Variants in ABLIM2 observed in about 807,000 individuals in gnomAD.
ABLIM2 encodes the protein actin-binding LIM protein 2.
A neutral mutation model predicts 97.7 loss-of-function variants in ABLIM2; 53 were observed. The observed-to-expected ratio is 0.54, with a 90% CI of 0.44 to 0.68. The LOEUF is 0.68. Ranked by LOEUF, ABLIM2 falls within the 30% of genes least tolerant of loss-of-function variation. The pLI, the probability that ABLIM2 is intolerant of heterozygous loss-of-function variation, is 0.00. For synonymous variants in ABLIM2, 361 were observed against 345.8 expected (o/e 1.04, Z -0.49); for missense variants, 835 against 867.2 (o/e 0.96, Z 0.47).
rs1390424236 is a variant in ABLIM2, at chr4:7,986,112, T to C, written c.1681-1219A>G. ...ACCTGGAACGGGGTCTCAAACGGGG[T>C]CAGGGCTCTCGGCCAGTGCTGCTGA... On this transcript the variant is annotated intron_variant, in intron 17 of 20. Transcript: ENST00000447017. This position sits in a 1 kb window ranked among gnomAD's most constrained non-coding sequence, Gnocchi z 4.3. Among the ~76,000 whole-genome samples, 1 of 152,124 alleles carries C rather than the reference T, an allele frequency of 6.6e-6. No homozygotes were observed. Among genetic ancestry groups the C allele is most frequent in the Non-Finnish European group, 1.5e-5 (1 of 68,020 alleles).
intron 16 of ABLIM2, among the ~76,000 whole-genome samples, chr4:8,000,199 T>C (rs2150165179): frequency 6.6e-6 from 1 of 152,240 alleles, no homozygotes; most frequent in South Asian, 2.1e-4. Flanking sequence ...GCCCCTTGGC[T>C]GGTCTGAGCT....
chr4:8,103,294 C>A (rs1010253432), intron 2 of ABLIM2, among the ~76,000 whole-genome samples: 2 of 152,246 alleles, frequency 1.3e-5, no homozygotes, highest in Non-Finnish European at 2.9e-5. Context: ...CTCATGAGAG[C>A]CTGGAGAGAA....
At position 8,087,020 on chromosome 4, in the gene ABLIM2, C is replaced by G. The variant is rs533384472; in HGVS notation, c.454+1149G>C. On this transcript the variant is annotated intron_variant, in intron 4 of 20. Transcript: ENST00000447017. The surrounding 1 kb of genome is among the most constrained non-coding windows in gnomAD (Gnocchi z 4.6). ...AGCTCCCAGGGCCAGTGCTGCACCT[C>G]GGGGAGGCTGGAAGTGGAATCGCCT... is the stretch of plus-strand genomic sequence containing the variant. Among the ~76,000 whole-genome samples the G allele has an allele frequency of 1.3e-5, 2 of 152,104 alleles. No individual in the cohort carries two copies. The highest frequency in any genetic ancestry group is 4.1e-4 in the South Asian group (2 of 4,820).
rs1176285273 is a variant in ABLIM2 at position 8,095,070 on chromosome 4, C to A, written c.338+2029G>T. ...CTTCTTTCTTTCTTTCTCTTTCTTT[C>A]TTTCTCTCTCTCTCTCTTTCTTTCT... On this transcript the variant is annotated intron_variant, in intron 3 of 20. Transcript: ENST00000447017. The surrounding 1 kb of genome is among the most constrained non-coding windows in gnomAD (Gnocchi z 4.7). Among the ~76,000 whole-genome samples, 1 of 137,102 alleles carries A rather than the reference C, an allele frequency of 7.3e-6. No homozygotes were observed. The highest frequency in any genetic ancestry group is 1.6e-5 in the Non-Finnish European group (1 of 61,388). 89.9% of individuals were successfully genotyped at this position (137,102 alleles called of 152,430 possible).
rs531712556 is a variant in ABLIM2, at chr4:7,969,056, C to G, written c.1825-1953G>C. Among the ~76,000 whole-genome samples, 51 of 152,160 alleles carry G rather than the reference C, an allele frequency of 3.4e-4. No individual in the cohort carries two copies. The South Asian group carries it at 1.0e-2, about 30-fold the overall frequency. ...CTGAGGCAGGAGAATCGCTTGAACC[C>G]AGGAGGTGGAGGTTGCAGTGAGCTG... On this transcript the variant is annotated intron_variant, in intron 20 of 20. Transcript: ENST00000447017.
rs1346132256 is a variant in ABLIM2, at chr4:8,036,269, G to A, written c.927C>T (p.Asp309=). ...TAGGAAGGGCTGCCAAGTCCCTGTA[G>A]TCCAGGATCTCACCACCAAGCTTGG... ...IYAKLGGEIL[D]YRDLAALPKS... Residue 309 remains aspartate, a synonymous_variant, in exon 10 of 21, where the codon GAC becomes GAT. Transcript: ENST00000447017. 6.8e-6 allele frequency: 11 copies of A among 1,613,722 alleles called. No individual in the cohort carries two copies. The highest frequency in any genetic ancestry group is 8.5e-6 in the Non-Finnish European group (10 of 1,179,796).
At chr4:8,089,417 G>A (rs1247121930) in intron 3 of ABLIM2, among the ~76,000 whole-genome samples, 2 of 152,202 alleles carry the variant, frequency 1.3e-5, no homozygotes, top group East Asian at 1.9e-4. Flanking sequence ...GCCCGTGGAA[G>A]TGTCAGACCA....
In ABLIM2 at chr4:8,071,701, A is replaced by AAC; in HGVS notation, c.675+5926_675+5927insGT. 1 of 494,388 alleles carries AAC rather than the reference A, an allele frequency of 2.0e-6. No individual in the cohort carries two copies. The highest frequency in any genetic ancestry group is 2.6e-6 in the Non-Finnish European group (1 of 391,984). 30.6% of individuals were successfully genotyped at this position (494,388 alleles called of 1,614,324 possible). On this transcript the variant is annotated intron_variant, in intron 6 of 20. Coordinates refer to ENST00000447017, the MANE Select transcript of ABLIM2 (RefSeq NM_001130083.2). The surrounding 1 kb of genome is among the most constrained non-coding windows in gnomAD (Gnocchi z 6.2). ...CTGCTCTGTCCCCAAAAACCCACCCACCCGCAGCCCCTCCTGGCCCCTGTG... is the reference window on the plus strand; with the variant it reads ...CTGCTCTGTCCCCAAAAACCCACCCAACCCCGCAGCCCCTCCTGGCCCCTGTG...
At position 8,071,340 on chromosome 4, in the gene ABLIM2, C is replaced by T. The variant is rs1250903365; in HGVS notation, c.675+6288G>A. ...ACAGGACCCCAGCAAGGAGCCGGCTCATCAGGACAGACACCCAGAGATGGG... is the reference window on the plus strand; with the variant it reads ...ACAGGACCCCAGCAAGGAGCCGGCTTATCAGGACAGACACCCAGAGATGGG... On this transcript the variant is annotated intron_variant, in intron 6 of 20. Transcript: ENST00000447017. The surrounding 1 kb of genome is among the most constrained non-coding windows in gnomAD (Gnocchi z 6.2). 2.0e-5 allele frequency among the ~76,000 whole-genome samples: 3 copies of T among 152,138 alleles called. No homozygotes were observed. Among genetic ancestry groups the T allele is most frequent in the Non-Finnish European group, 4.4e-5 (3 of 68,018 alleles).
chr4:8,143,720 C>T (rs1371046736), intron 1 of ABLIM2, among the ~76,000 whole-genome samples: 1 of 152,160 alleles, frequency 6.6e-6, no homozygotes, highest in Non-Finnish European at 1.5e-5. Flanking sequence ...TGGCTGGGTG[C>T]TCCTGGAGGG....
intron 1 of ABLIM2, among the ~76,000 whole-genome samples, chr4:8,126,903 T>C (rs947945568): frequency 4.6e-5 from 7 of 151,890 alleles, no homozygotes; most frequent in African/African-American, 1.5e-4. Flanking sequence ...CCGTCTCTAC[T>C]AAAAAAATTA....
In ABLIM2 at chr4:8,058,918, G is replaced by A. The variant is rs1801112428; in HGVS notation, c.763+2049C>T. Among the ~76,000 whole-genome samples the A allele has an allele frequency of 1.3e-5, 2 of 152,042 alleles. No homozygotes were observed. Among genetic ancestry groups the A allele is most frequent in the East Asian group, 1.9e-4 (1 of 5,162 alleles). Reference sequence around the variant, plus strand: ...CCTGTCTTCGGCAACCATCTTGTGGGGTCAGTTCAGCAAGAAGCCCAGTAC... The same window carrying A: ...CCTGTCTTCGGCAACCATCTTGTGGAGTCAGTTCAGCAAGAAGCCCAGTAC... On this transcript the variant is annotated intron_variant, in intron 7 of 20. Coordinates refer to ENST00000447017, the MANE Select transcript of ABLIM2 (RefSeq NM_001130083.2). This position sits in a 1 kb window ranked among gnomAD's most constrained non-coding sequence, Gnocchi z 4.2.
At chr4:7,987,783 G>A (rs1323492758) in intron 17 of ABLIM2, among the ~76,000 whole-genome samples, 1 of 152,150 alleles carries the variant, frequency 6.6e-6, no homozygotes, top group African/African-American at 2.4e-5. Flanking sequence ...CAGGGAAAGT[G>A]GGGTCTACTT....
At chr4:8,096,583 C>T (rs1014900115) in intron 3 of ABLIM2, among the ~76,000 whole-genome samples, 1 of 152,254 alleles carries the variant, frequency 6.6e-6, no homozygotes, top group African/African-American at 2.4e-5. Context: ...TTGGAAACAA[C>T]ATTGAAAACG....
At chr4:7,982,417 C>T (rs138578041) in intron 20 of ABLIM2, among the ~76,000 whole-genome samples, 1 of 152,310 alleles carries the variant, frequency 6.6e-6, no homozygotes, top group South Asian at 2.1e-4. Context: ...GGAGATGAAA[C>T]CCCCGGGCTG....
At chr4:8,154,265 T>TA (rs1714418678) in intron 1 of ABLIM2, among the ~76,000 whole-genome samples, 1 of 116,652 alleles carries the variant, frequency 8.6e-6, no homozygotes, top group African/African-American at 2.7e-5. Flanking sequence ...CCCAGCCACT[T>TA]ATTTTCTTTT....
chr4:8,139,351 A>T (rs146137199), intron 1 of ABLIM2, among the ~76,000 whole-genome samples: 450 of 152,294 alleles, frequency 3.0e-3, no homozygotes, highest in African/African-American at 0.01. Flanking sequence ...TTTGCAATCT[A>T]TCCTTCTGAC....
chr4:8,090,866 C>G (rs977261135), intron 3 of ABLIM2, among the ~76,000 whole-genome samples: 5 of 152,108 alleles, frequency 3.3e-5, no homozygotes, highest in African/African-American at 4.8e-5. Flanking sequence ...ATCACAACAG[C>G]CATTCCATGC....
intron 20 of ABLIM2, among the ~76,000 whole-genome samples, chr4:7,980,588 GC>G (rs1252577186): frequency 6.6e-6 from 1 of 151,924 alleles, no homozygotes; most frequent in African/African-American, 2.4e-5. Flanking sequence ...GGTGGTGGGT[GC>G]CTGTAGTCCC....
Sources: allele counts gnomAD v4.1 joint callset (sites outside exome capture counted in the v4.1 genomes callset), GRCh38; gene constraint gnomAD v4.1.1; non-coding constraint Gnocchi (gnomAD v3.1); transcripts MANE v1.5; gene names NCBI Gene and HGNC (gene_info 2026-07-23, HGNC 2026-07-21).